Variants in HSD17B2 observed in about 807,000 individuals in gnomAD.
The protein encoded by HSD17B2 is hydroxysteroid 17-beta dehydrogenase 2, also known as 17-beta-hydroxysteroid dehydrogenase type 2.
HSD17B2 carries 32 observed loss-of-function variants against 26.9 expected under a neutral mutation model. The observed-to-expected ratio is 1.19, with a 90% confidence interval of 0.90 to 1.60. The LOEUF (loss-of-function observed/expected upper bound fraction) is 1.60. Among genes scored for constraint, HSD17B2 ranks in the 40% most tolerant of loss-of-function variants. The pLI, the probability that HSD17B2 is intolerant of heterozygous loss-of-function variation, is 0.00. For synonymous variants in HSD17B2, 246 were observed against 186.7 expected (o/e 1.32, Z -2.59); for missense variants, 613 against 468.6 (o/e 1.31, Z -2.85).
intron 3 of HSD17B2, among the ~76,000 whole-genome samples, chr16:82,074,825 T>G (rs1904293183): frequency 6.6e-6 from 1 of 152,186 alleles, no homozygotes; most frequent in South Asian, 2.1e-4. Context: ...AACATCAAAC[T>G]TAATCTGCAC....
rs1914615873 is a variant in HSD17B2, at chr16:82,068,178, T to C, written c.274T>C (p.Cys92Arg). ...QKAVLVTGGD[C>R]GLGHALCKYL... ...CCCCTGACCCTATGCAGGTGGTGAT[T>C]GCGGGCTTGGCCATGCTTTGTGCAA... The change falls in exon 2 of 5, where the codon TGC (cysteine) becomes CGC (arginine). Residue 92 changes from cysteine (C) to arginine (R), a missense_variant. By Grantham distance (180) the Cys-to-Arg change is radical (BLOSUM62 -3). Transcript: ENST00000199936. 2 of 1,614,084 alleles carry C rather than the reference T, an allele frequency of 1.2e-6. No homozygotes were observed. Among genetic ancestry groups the C allele is most frequent in the Non-Finnish European group, 1.7e-6 (2 of 1,180,046 alleles).
intron 1 of HSD17B2, among the ~76,000 whole-genome samples, chr16:82,055,404 A>G (rs1016573154): frequency 6.6e-6 from 1 of 152,182 alleles, no homozygotes; most frequent in South Asian, 2.1e-4. Context: ...CCTACAAGCT[A>G]AGCTTCATGG....
rs1386304649 is a variant in HSD17B2, at chr16:82,077,309, G to A, written c.664+6182G>A. The stretch of plus-strand genomic sequence containing the variant: ...AACCAAAACAGCATGGTACCAGCAT[G>A]AAAACAGACATATAGACCAACAGAA... On this transcript the variant is annotated intron_variant, in intron 3 of 4. Coordinates refer to ENST00000199936, the MANE Select transcript of HSD17B2 (RefSeq NM_002153.3). 6.6e-5 allele frequency among the ~76,000 whole-genome samples: 10 copies of A among 152,196 alleles called. 1 individual carries two copies. Among genetic ancestry groups the A allele is most frequent in the Admixed American group, 5.9e-4 (9 of 15,286 alleles).
chr16:82,091,494 A>T (rs1049926613), intron 4 of HSD17B2: 3 of 191,300 alleles, frequency 1.6e-5, no homozygotes, highest in Non-Finnish European at 3.2e-5. Flanking sequence ...CTGCATTGCA[A>T]GAGCTATATA....
In HSD17B2 at chr16:82,065,068, C is replaced by G. The variant is rs1914538835; in HGVS notation, c.266-3102C>G. On this transcript the variant is annotated intron_variant, in intron 1 of 4. Coordinates refer to ENST00000199936, the MANE Select transcript of HSD17B2 (RefSeq NM_002153.3). ...CAGGACAATTATAACCTTGTGGACC[C>G]CTGTGGGGAAGGGGAAGCTGGGAAG... is the stretch of plus-strand genomic sequence containing the variant. 1.3e-5 allele frequency among the ~76,000 whole-genome samples: 2 copies of G among 152,172 alleles called. 1 individual carries two copies. The highest frequency in any genetic ancestry group is 4.8e-5 in the African/African-American group (2 of 41,432).
intron 1 of HSD17B2, among the ~76,000 whole-genome samples, chr16:82,037,530 G>C (rs551289898): frequency 1.3e-5 from 2 of 152,106 alleles, no homozygotes; most frequent in Admixed American, 6.5e-5. Flanking sequence ...CATACATATG[G>C]TTCCTTTATC....
chr16:82,041,296 C>T (rs1913759354), intron 1 of HSD17B2, among the ~76,000 whole-genome samples: 1 of 152,224 alleles, frequency 6.6e-6, no homozygotes, highest in Non-Finnish European at 1.5e-5. Flanking sequence ...GAAACGTCCT[C>T]TCCTTTTCAT....
At chr16:82,080,398 C>T (rs1168721543) in intron 3 of HSD17B2, among the ~76,000 whole-genome samples, 3 of 152,028 alleles carry the variant, frequency 2.0e-5, no homozygotes, top group African/African-American at 7.3e-5. Flanking sequence ...GCATGAGGGT[C>T]AGAGTCAGAG....
intron 1 of HSD17B2, among the ~76,000 whole-genome samples, chr16:82,046,259 T>C (rs1913925121): frequency 6.6e-6 from 1 of 152,056 alleles, no homozygotes. Context: ...AACCAATGAA[T>C]GGATAAGATG....
chr16:82,084,459 G>C (rs191652003), intron 3 of HSD17B2, among the ~76,000 whole-genome samples: 1 of 152,292 alleles, frequency 6.6e-6, no homozygotes, highest in East Asian at 1.9e-4. Flanking sequence ...GCTTAGCACA[G>C]TTACTGGTAT....
chr16:82,070,697 T>C (rs1914678019), intron 2 of HSD17B2: 1 of 513,556 alleles, frequency 1.9e-6, no homozygotes, highest in East Asian at 3.1e-5. Flanking sequence ...TAGTAAATTC[T>C]GAAGAGTTTC....
At chr16:82,092,023 C>A (rs973429212) in intron 4 of HSD17B2, 1 of 152,160 alleles carries the variant, frequency 6.6e-6, no homozygotes, top group Non-Finnish European at 1.5e-5. Context: ...CCCTAACTGA[C>A]TCTCACCAAT....
chr16:82,085,795 C>T (rs75229831), intron 3 of HSD17B2, among the ~76,000 whole-genome samples: 2,755 of 152,086 alleles, frequency 0.018, 34 homozygotes, highest in Non-Finnish European at 0.029. Flanking sequence ...TACTAATCCC[C>T]GGACCACATT....
At chr16:82,060,377 T>G (rs1331860899) in intron 1 of HSD17B2, among the ~76,000 whole-genome samples, 1 of 152,160 alleles carries the variant, frequency 6.6e-6, no homozygotes, top group Non-Finnish European at 1.5e-5. Context: ...AATGTGTGTG[T>G]GTGTGAGAGC....
chr16:82,035,327 TTGACTCTC>T lies in HSD17B2; in HGVS notation c.-95_-88del. The T allele has an allele frequency of 8.4e-7, 1 of 1,192,750 alleles. No individual in the cohort carries two copies. Among genetic ancestry groups the T allele is most frequent in the Non-Finnish European group, 1.2e-6 (1 of 838,804 alleles). 73.9% of individuals were successfully genotyped at this position (1,192,750 alleles called of 1,614,324 possible). On this transcript the variant is annotated 5_prime_UTR_variant, in exon 1 of 5. It removes the in-frame stop codon of an upstream open reading frame in the 5' UTR. Coordinates refer to ENST00000199936, the MANE Select transcript of HSD17B2 (RefSeq NM_002153.3). ...TGGGGCTGCTTTCTCCCCTCCCTTC[TTGACTCTC>T]TGTTCACAGAACTCAGGCTGCCTCC...
intron 1 of HSD17B2, among the ~76,000 whole-genome samples, chr16:82,050,238 G>T (rs984211471): frequency 6.6e-6 from 1 of 151,994 alleles, no homozygotes; most frequent in Non-Finnish European, 1.5e-5. Flanking sequence ...CCTTGCTCAG[G>T]GTTCCCCATC....
chr16:82,090,003 C>T (rs1904636800), intron 3 of HSD17B2, among the ~76,000 whole-genome samples: 1 of 152,186 alleles, frequency 6.6e-6, no homozygotes, highest in Non-Finnish European at 1.5e-5. Context: ...TCAATCTCAC[C>T]AGCTTCTAAG....
At chr16:82,081,677 GTGTAGTA>G (rs1327766348) in intron 3 of HSD17B2, among the ~76,000 whole-genome samples, 1 of 152,194 alleles carries the variant, frequency 6.6e-6, no homozygotes, top group Non-Finnish European at 1.5e-5. Context: ...AGCTGCTTAT[GTGTAGTA>G]TGTCTTCCCT....
At chr16:82,082,713 T>G (rs1016170845) in intron 3 of HSD17B2, among the ~76,000 whole-genome samples, 4 of 152,196 alleles carry the variant, frequency 2.6e-5, no homozygotes, top group Non-Finnish European at 1.5e-5. Flanking sequence ...TCAGAGCTGA[T>G]GTTAAAACGC....
Sources: gnomAD v4.1 joint callset for allele counts (sites outside exome capture counted in the v4.1 genomes callset) on GRCh38, gnomAD v4.1.1 for gene constraint, MANE v1.5 for transcripts, NCBI Gene and HGNC (gene_info 2026-07-23, HGNC 2026-07-21) for gene names.